Variants in JADE1 observed in about 807,000 individuals in gnomAD.
JADE1 encodes the protein jade family PHD finger 1.
JADE1 carries 14 observed loss-of-function variants against 81.8 expected under a neutral mutation model. That is an observed-to-expected ratio of 0.17 (90% CI 0.11 to 0.27). The LOEUF (loss-of-function observed/expected upper bound fraction) is 0.27, where lower values mean the gene tolerates loss of function less well. JADE1 is among the 10% of genes least tolerant of loss of function. JADE1 has a pLI of 1.00. For synonymous variants in JADE1, 353 were observed against 391.9 expected, an observed-to-expected ratio of 0.90 and a Z score of 1.17; for missense variants, 690 against 1,047.9, an observed-to-expected ratio of 0.66 and a Z score of 4.71.
chr4:128,809,816 T>C lies in JADE1; in HGVS notation c.-88T>C, dbSNP rs1726172753. 6.6e-6 allele frequency: 1 copy of C among 151,524 alleles called. No homozygotes were observed. Among genetic ancestry groups the C allele is most frequent in the Non-Finnish European group, 1.5e-5 (1 of 67,822 alleles). The allele number at this position is 151,524 out of a possible 1,614,324, so 9.4% of individuals were successfully genotyped here. A position where few individuals can be genotyped will look rare whatever the true frequency, so the allele number is the denominator to read the frequency against. On this transcript the variant is annotated 5_prime_UTR_variant, in exon 1 of 11. It removes an upstream start codon present in the reference 5' UTR. Transcript: ENST00000226319. The stretch of plus-strand genomic sequence containing the variant: ...CCCCGCCCGCCGCGGCCCGAACTCA[T>C]GCAGCTCCGAGCGAGCGAGCGGCGC...
At chr4:128,812,679 G>A (rs1195882823) in intron 1 of JADE1, among the ~76,000 whole-genome samples, 3 of 152,238 alleles carry the variant, frequency 2.0e-5, no homozygotes, top group African/African-American at 7.2e-5. Flanking sequence ...AAAAAAGCGG[G>A]CGATTTAAAC....
At chr4:128,845,339 C>T (rs530649792) in intron 3 of JADE1, among the ~76,000 whole-genome samples, 14 of 152,132 alleles carry the variant, frequency 9.2e-5, no homozygotes, top group Admixed American at 2.0e-4. Flanking sequence ...GGAGCTCTCT[C>T]GGTAGAGGGG....
At chr4:128,859,911 A>G (rs1366645414) in intron 8 of JADE1, among the ~76,000 whole-genome samples, 1 of 152,226 alleles carries the variant, frequency 6.6e-6, no homozygotes, top group African/African-American at 2.4e-5. Flanking sequence ...TCCTCTCTGA[A>G]ATGTCTGCAG....
intron 6 of JADE1, among the ~76,000 whole-genome samples, chr4:128,854,697 C>T (rs1367156438): frequency 6.6e-6 from 1 of 152,206 alleles, no homozygotes; most frequent in Non-Finnish European, 1.5e-5. Context: ...TTCCTGACTT[C>T]CAGGTCATTT....
chr4:128,839,410 G>C (rs185639666), intron 2 of JADE1, among the ~76,000 whole-genome samples: 1 of 152,166 alleles, frequency 6.6e-6, no homozygotes, highest in Non-Finnish European at 1.5e-5. Context: ...TTAGTGGATG[G>C]TATCTCAGTG....
chr4:128,866,177 G>C (rs1731766387), intron 9 of JADE1, among the ~76,000 whole-genome samples: 1 of 152,224 alleles, frequency 6.6e-6, no homozygotes, highest in Admixed American at 6.5e-5. Flanking sequence ...AGGGTGTGCA[G>C]CTGTCAGAGA....
At chr4:128,862,947 GTGTC>G (rs1299460978) in intron 9 of JADE1, 18 of 986,380 alleles carry the variant, frequency 1.8e-5, no homozygotes, top group Non-Finnish European at 2.2e-5. Context: ...TCTCTGTTGT[GTGTC>G]TGTGTGCGGG....
intron 1 of JADE1, among the ~76,000 whole-genome samples, chr4:128,822,950 C>T (rs1727719192): frequency 6.6e-6 from 1 of 152,056 alleles, no homozygotes; most frequent in Non-Finnish European, 1.5e-5. Context: ...TGCAGTTAGC[C>T]TGTTTTTCTC....
chr4:128,813,585 A>G (rs1001490149), intron 1 of JADE1, among the ~76,000 whole-genome samples: 6 of 150,178 alleles, frequency 4.0e-5, no homozygotes, highest in African/African-American at 1.2e-4. Flanking sequence ...CGGCTGGCTA[A>G]TTTTTTTTTG....
chr4:128,865,344 C>G (rs1731704935), intron 9 of JADE1, among the ~76,000 whole-genome samples: 2 of 152,138 alleles, frequency 1.3e-5, no homozygotes, highest in Admixed American at 1.3e-4. Flanking sequence ...GTGGGTACCC[C>G]ATGTTTCTGT....
At position 128,840,584 on chromosome 4, in the gene JADE1, C is replaced by T. The variant is rs1193444015; in HGVS notation, c.53-2369C>T. ...GGCTGTGGACCGGCTGGAGGATGGCCTCCAGGACAAGAGGGAGAAAGAGAG... is the reference window on the plus strand; with the variant it reads ...GGCTGTGGACCGGCTGGAGGATGGCTTCCAGGACAAGAGGGAGAAAGAGAG... On this transcript the variant is annotated intron_variant, in intron 2 of 10. Transcript: ENST00000226319. Among the ~76,000 whole-genome samples, 3 of 152,140 alleles carry T rather than the reference C, an allele frequency of 2.0e-5. No individual in the cohort carries two copies. The East Asian group carries it at 5.8e-4, about 29-fold the overall frequency.
chr4:128,815,898 G>C (rs1726985324), intron 1 of JADE1, among the ~76,000 whole-genome samples: 1 of 152,106 alleles, frequency 6.6e-6, no homozygotes, highest in Non-Finnish European at 1.5e-5. Flanking sequence ...TTTTTATTTG[G>C]GTTGGCATTA....
chr4:128,844,399 C>T (rs1729696208), intron 3 of JADE1, among the ~76,000 whole-genome samples: 1 of 152,200 alleles, frequency 6.6e-6, no homozygotes, highest in South Asian at 2.1e-4. Flanking sequence ...ATGGCACTAA[C>T]ATACTCTACC....
chr4:128,817,233 A>AT (rs1727123084), intron 1 of JADE1, among the ~76,000 whole-genome samples: 1 of 152,042 alleles, frequency 6.6e-6, no homozygotes. Context: ...ATGAGGTTTC[A>AT]CTATGTTGCT....
intron 2 of JADE1, among the ~76,000 whole-genome samples, chr4:128,833,121 T>C (rs1053757309): frequency 2.0e-5 from 3 of 152,148 alleles, no homozygotes; most frequent in Admixed American, 1.3e-4. Context: ...TTTCCTCTTA[T>C]TTCAGAGAAA....
rs546305920 is a variant in JADE1, at chr4:128,829,615, AG to A, written c.-26-2117del. Among the ~76,000 whole-genome samples the A allele has an allele frequency of 9.8e-4, 149 of 152,300 alleles. 1 individual carries two copies. Among genetic ancestry groups the A allele is most frequent in the African/African-American group, 3.5e-3 (144 of 41,552 alleles). Reference sequence around the variant, plus strand: ...ATTAAATGACAAAAGACATTACAGGAGAAAAGGCAAACTTCACTGATGTTGA... The same window carrying A: ...ATTAAATGACAAAAGACATTACAGGAAAAAGGCAAACTTCACTGATGTTGA... On this transcript the variant is annotated intron_variant, in intron 1 of 10. Transcript: ENST00000226319.
chr4:128,824,418 A>C (rs1164039120), intron 1 of JADE1, among the ~76,000 whole-genome samples: 5 of 144,200 alleles, frequency 3.5e-5, no homozygotes, highest in African/African-American at 1.3e-4. Flanking sequence ...ACTCCAACTC[A>C]AAAAAAATAA....
intron 1 of JADE1, among the ~76,000 whole-genome samples, chr4:128,821,915 G>A (rs1220436179): frequency 6.6e-6 from 1 of 152,144 alleles, no homozygotes; most frequent in East Asian, 1.9e-4. Flanking sequence ...AATGTTGGCT[G>A]TTTTTACCTG....
intron 1 of JADE1, among the ~76,000 whole-genome samples, chr4:128,825,575 T>TC (rs1447638285): frequency 1.3e-5 from 2 of 152,170 alleles, no homozygotes; most frequent in Non-Finnish European, 2.9e-5. Context: ...TGCCTTGCTA[T>TC]CTCATGTGCA....
Sources: gnomAD v4.1 joint callset for allele counts (sites outside exome capture counted in the v4.1 genomes callset) on GRCh38, gnomAD v4.1.1 for gene constraint, MANE v1.5 for transcripts, NCBI Gene and HGNC (gene_info 2026-07-23, HGNC 2026-07-21) for gene names.